Variants in SPIRE1 observed in about 807,000 individuals in gnomAD.
SPIRE1 encodes the protein protein spire homolog 1.
In SPIRE1, 40 loss-of-function variants were observed where a neutral mutation model predicts 94.1. The observed-to-expected ratio is 0.43, with a 90% CI of 0.33 to 0.55. The LOEUF (loss-of-function observed/expected upper bound fraction) is 0.55, where lower values mean the gene tolerates loss of function less well. SPIRE1 is among the 20% of genes least tolerant of loss of function. The probability of loss-of-function intolerance (pLI) is 0.06; values close to 1 mark genes in which losing one functional copy is unlikely to be tolerated. For missense variants in SPIRE1, 838 were observed against 975.2 expected, an observed-to-expected ratio of 0.86 and a Z score of 1.87; for synonymous variants, 376 against 371.7, an observed-to-expected ratio of 1.01 and a Z score of -0.13.
At chr18:12,661,160 T>C (rs1171056335), upstream of SPIRE1, among the ~76,000 whole-genome samples, 1 of 151,840 alleles carries the variant, frequency 6.6e-6, no homozygotes, top group Non-Finnish European at 1.5e-5. Flanking sequence ...ATACAAAAAT[T>C]AGCTGGGCAT....
At chr18:12,626,886 ATTTT>A (rs1194431610) in intron 2 of SPIRE1, among the ~76,000 whole-genome samples, 25 of 111,886 alleles carry the variant, frequency 2.2e-4, no homozygotes, top group East Asian at 1.6e-3. Context: ...ATATATATAT[ATTTT>A]TTTTTTTTTT....
intron 10 of SPIRE1, among the ~76,000 whole-genome samples, chr18:12,474,934 A>T (rs1200683436): frequency 6.6e-6 from 1 of 152,068 alleles, no homozygotes; most frequent in Non-Finnish European, 1.5e-5. Context: ...AATAAAGTCA[A>T]CCTTTTTGAG....
intron 9 of SPIRE1, among the ~76,000 whole-genome samples, chr18:12,481,703 T>C (rs187417448): frequency 2.0e-5 from 3 of 152,168 alleles, no homozygotes; most frequent in South Asian, 4.2e-4. Context: ...AATAAATAAT[T>C]GGTGATGGTG....
At chr18:12,486,103 A>G in intron 8 of SPIRE1, 103 bp from the exon 9 acceptor site, 2 of 787,570 alleles carry the variant, frequency 2.5e-6, no homozygotes, top group Admixed American at 3.2e-5. Flanking sequence ...CTTAGTGGCT[A>G]CATGTCAGAC....
chr18:12,512,667 A>G, intron 4 of SPIRE1, 136 bp from the exon 5 acceptor site: 1 of 574,616 alleles, frequency 1.7e-6, no homozygotes, highest in South Asian at 2.5e-5. Context: ...TGCTCCGTAA[A>G]CTCTAGGGCC....
chr18:12,493,477 G>T (rs2033317233), intron 7 of SPIRE1, among the ~76,000 whole-genome samples: 1 of 152,166 alleles, frequency 6.6e-6, no homozygotes, highest in Non-Finnish European at 1.5e-5. Context: ...TGCAATCTCA[G>T]CTCACTGCAA....
chr18:12,456,623 A>G (rs1026807963), intron 12 of SPIRE1, among the ~76,000 whole-genome samples: 2 of 152,194 alleles, frequency 1.3e-5, no homozygotes, highest in African/African-American at 4.8e-5. Flanking sequence ...AGATGGTACC[A>G]ACTTAACTGA....
Position 12,529,282 on chromosome 18 carries a change from T to C in SPIRE1, c.729+6194A>G, listed in dbSNP as rs568111716. Among the ~76,000 whole-genome samples the C allele has an allele frequency of 1.3e-4, 19 of 151,088 alleles. 1 individual carries two copies. The South Asian group carries it at 3.6e-3, about 28-fold the overall frequency. On this transcript the variant is annotated intron_variant, in intron 4 of 16. Coordinates refer to ENST00000409402, the MANE Select transcript of SPIRE1 (RefSeq NM_001128626.2). ...TACTCTGGAGGCTGAAGCAGGAGAA[T>C]GGTGTGAACCCGGGAGGTGGAACTT...
chr18:12,557,363 A>C (rs970063722), intron 2 of SPIRE1, among the ~76,000 whole-genome samples: 2 of 152,196 alleles, frequency 1.3e-5, no homozygotes, highest in East Asian at 3.9e-4. Flanking sequence ...TGGGGAACTC[A>C]GCGCACCCTC....
At chr18:12,609,674 C>T (rs1598526191) in intron 2 of SPIRE1, among the ~76,000 whole-genome samples, 1 of 152,142 alleles carries the variant, frequency 6.6e-6, no homozygotes, top group East Asian at 1.9e-4. Context: ...CATCCAAAGC[C>T]TCACCACCCT....
intron 4 of SPIRE1, among the ~76,000 whole-genome samples, chr18:12,518,993 G>C (rs2034279778): frequency 6.6e-6 from 1 of 152,158 alleles, no homozygotes; most frequent in South Asian, 2.1e-4. Flanking sequence ...CTCCCATGCA[G>C]AGTTAATGGA....
intron 2 of SPIRE1, among the ~76,000 whole-genome samples, chr18:12,624,390 A>G (rs1178519965): frequency 6.6e-6 from 1 of 151,678 alleles, no homozygotes; most frequent in Non-Finnish European, 1.5e-5. Context: ...TGAAATTACA[A>G]AAATTAGCCA....
In SPIRE1 at chr18:12,657,666, A is replaced by G; in HGVS notation, c.201T>C (p.Gly67=). The change falls in exon 1 of 17, where the codon GGT becomes GGC. Residue 67 remains glycine, a synonymous_variant. Transcript: ENST00000409402. ...QAWAVCYQCC[G]SLRAAARRRQ... ...GGCGGCGGGCGGCGGCGCGCAGGGAACCGCAGCACTGGTAGCACACGGCCC... is the reference window on the plus strand; with the variant it reads ...GGCGGCGGGCGGCGGCGCGCAGGGAGCCGCAGCACTGGTAGCACACGGCCC... 7.5e-7 allele frequency: 1 copy of G among 1,333,946 alleles called. No homozygotes were observed. The highest frequency in any genetic ancestry group is 2.0e-5 in the South Asian group (1 of 50,062). 82.6% of individuals were successfully genotyped at this position (1,333,946 alleles called of 1,614,324 possible). A position where few individuals can be genotyped will look rare whatever the true frequency, so the allele number is the denominator to read the frequency against.
At chr18:12,649,924 A>G (rs527590093) in intron 1 of SPIRE1, among the ~76,000 whole-genome samples, 8 of 152,190 alleles carry the variant, frequency 5.3e-5, no homozygotes, top group Non-Finnish European at 1.2e-4. Flanking sequence ...GTAGAAATAT[A>G]TTGCATGGTA....
At chr18:12,496,983 G>A (rs1385204565) in intron 6 of SPIRE1, among the ~76,000 whole-genome samples, 1 of 152,136 alleles carries the variant, frequency 6.6e-6, no homozygotes, top group Non-Finnish European at 1.5e-5. Flanking sequence ...CAGGAGACTC[G>A]CTTGAACCTA....
intron 1 of SPIRE1, among the ~76,000 whole-genome samples, chr18:12,639,904 T>G (rs2038038215): frequency 6.6e-6 from 1 of 151,756 alleles, no homozygotes; most frequent in Admixed American, 6.6e-5. Flanking sequence ...ACGAGTCCCC[T>G]TATGTCCCAG....
intron 8 of SPIRE1, among the ~76,000 whole-genome samples, chr18:12,488,882 T>G (rs369432526): frequency 6.6e-6 from 1 of 152,204 alleles, no homozygotes; most frequent in Non-Finnish European, 1.5e-5. Flanking sequence ...GGATTTTGTG[T>G]TGATAAGAAT....
At chr18:12,630,510 T>G (rs1000770805) in intron 2 of SPIRE1, among the ~76,000 whole-genome samples, 1 of 152,016 alleles carries the variant, frequency 6.6e-6, no homozygotes, top group African/African-American at 2.4e-5. Context: ...AATACAAAAA[T>G]TAGCTGGGCG....
intron 2 of SPIRE1, among the ~76,000 whole-genome samples, chr18:12,625,225 T>C (rs1037099367): frequency 3.9e-5 from 6 of 152,190 alleles, no homozygotes; most frequent in African/African-American, 1.4e-4. Context: ...CGGCAACTCA[T>C]GTACAGACAC....
Sources: allele counts gnomAD v4.1 joint callset (sites outside exome capture counted in the v4.1 genomes callset), GRCh38; gene constraint gnomAD v4.1.1; transcripts MANE v1.5; gene names NCBI Gene and HGNC (gene_info 2026-07-23, HGNC 2026-07-21).